Variants in RAB5C observed in about 807,000 individuals in gnomAD.
The protein encoded by RAB5C is RAB5C, member RAS oncogene family, also known as ras-related protein Rab-5C.
In RAB5C, 4 loss-of-function variants were observed where a neutral mutation model predicts 25.2. The observed-to-expected ratio is 0.16, with a 90% CI of 0.08 to 0.36. The LOEUF (loss-of-function observed/expected upper bound fraction) is 0.36, where lower values mean the gene tolerates loss of function less well. Among genes scored for constraint, RAB5C ranks in the 10% least tolerant of loss-of-function variants. The probability of loss-of-function intolerance (pLI) is 1.00; values close to 1 mark genes in which losing one functional copy is unlikely to be tolerated. For missense variants in RAB5C, 199 were observed against 283.8 expected (o/e 0.70, Z 2.15); for synonymous variants, 100 against 106.4 (o/e 0.94, Z 0.37).
rs1262682318 is a variant in RAB5C, at chr17:42,125,316, A to C, written c.*467T>G. On this transcript the variant is annotated 3_prime_UTR_variant, in exon 6 of 6. Coordinates refer to ENST00000346213, the MANE Select transcript of RAB5C (RefSeq NM_004583.4). ...AAGGAAGAGCTGCCTCTCCCTTCCT[A>C]AGCCCCTTCCCAAGGTCTGCCCCAC... The C allele has an allele frequency of 6.5e-6, 1 of 153,594 alleles. No individual in the cohort carries two copies. The highest frequency in any genetic ancestry group is 1.5e-5 in the Non-Finnish European group (1 of 68,780). 9.5% of individuals were successfully genotyped at this position (153,594 alleles called of 1,614,324 possible).
At chr17:42,142,136 G>A (rs1032818808) in intron 1 of RAB5C, among the ~76,000 whole-genome samples, 15 of 149,762 alleles carry the variant, frequency 1.0e-4, no homozygotes, top group Admixed American at 2.0e-4. Flanking sequence ...ATGGGGTGAA[G>A]GCCCCAACCA....
In RAB5C at chr17:42,125,520, A is replaced by AT; in HGVS notation, c.*262_*263insA. 2.5e-6 allele frequency: 1 copy of AT among 405,518 alleles called. No homozygotes were observed. Among genetic ancestry groups the AT allele is most frequent in the East Asian group, 4.8e-5 (1 of 20,640 alleles). 25.1% of individuals were successfully genotyped at this position (405,518 alleles called of 1,614,324 possible). A position where few individuals can be genotyped will look rare whatever the true frequency, so the allele number is the denominator to read the frequency against. ...AAGGGAAAATGGGAGAGCAGTAGAA[A>AT]GGGGAGGAAGTGGGAAGAGCAGAAG... On this transcript the variant is annotated 3_prime_UTR_variant, in exon 6 of 6. Coordinates refer to ENST00000346213, the MANE Select transcript of RAB5C (RefSeq NM_004583.4).
At chr17:42,131,507 C>T in intron 1 of RAB5C, 2 of 1,248,958 alleles carry the variant, frequency 1.6e-6, no homozygotes, top group South Asian at 1.3e-5. Context: ...GACACCAAAA[C>T]AAAACACACA....
At chr17:42,132,129 G>A (rs1363366669) in intron 1 of RAB5C, among the ~76,000 whole-genome samples, 6 of 152,196 alleles carry the variant, frequency 3.9e-5, no homozygotes, top group Admixed American at 6.5e-5. Context: ...CCACATTCAT[G>A]CAAGAAGCTG....
chr17:42,149,257 G>A (rs1310121203), intron 1 of RAB5C, among the ~76,000 whole-genome samples: 1 of 152,158 alleles, frequency 6.6e-6, no homozygotes, highest in Non-Finnish European at 1.5e-5. Flanking sequence ...AAATCTGGGA[G>A]TTGAACCCAA....
chr17:42,144,509 C>T (rs115532892), intron 1 of RAB5C, among the ~76,000 whole-genome samples: 1,822 of 151,004 alleles, frequency 0.012, 46 homozygotes, highest in African/African-American at 0.042. Context: ...ACAAGTCTCT[C>T]ATATAGAAGA....
rs782514588 is a variant in RAB5C, at chr17:42,125,658, C to T, written c.*125G>A. 2 of 636,880 alleles carry T rather than the reference C, an allele frequency of 3.1e-6. No individual in the cohort carries two copies. The highest frequency in any genetic ancestry group is 2.8e-6 in the Non-Finnish European group (1 of 363,498). 39.5% of individuals were successfully genotyped at this position (636,880 alleles called of 1,614,324 possible). On this transcript the variant is annotated 3_prime_UTR_variant, in exon 6 of 6. Transcript: ENST00000346213. ...TATGATCAAAATTATATGGAGAAAT[C>T]ATGGTGGACCCCTCCCCCTGCCCCC...
chr17:42,130,201 C>G (rs1437624108), intron 2 of RAB5C, 136 bp downstream of exon 2: 1 of 1,250,028 alleles, frequency 8.0e-7, no homozygotes, highest in African/African-American at 1.5e-5. Context: ...ATTCCAGGGC[C>G]CAGGTGAGGA....
At chr17:42,131,361 C>T (rs893608758) in intron 1 of RAB5C, among the ~76,000 whole-genome samples, 1 of 151,986 alleles carries the variant, frequency 6.6e-6, no homozygotes, top group Non-Finnish European at 1.5e-5. Flanking sequence ...GAAACAAACA[C>T]ATAGTAAAAC....
chr17:42,125,608 G>T lies in RAB5C; in HGVS notation c.*175C>A. The T allele has an allele frequency of 1.7e-6, 1 of 585,684 alleles. No individual in the cohort carries two copies. 36.3% of individuals were successfully genotyped at this position (585,684 alleles called of 1,614,324 possible). On this transcript the variant is annotated 3_prime_UTR_variant, in exon 6 of 6. Coordinates refer to ENST00000346213, the MANE Select transcript of RAB5C (RefSeq NM_004583.4). ...TGAATTAGTATTTGTACAGAAAGGT[G>T]CAGGTGGAATGACTCACTCCGGCCT...
At position 42,125,515 on chromosome 17, in the gene RAB5C, T is replaced by C. The variant is rs565559765; in HGVS notation, c.*268A>G. On this transcript the variant is annotated 3_prime_UTR_variant, in exon 6 of 6. Transcript: ENST00000346213. ...CCAGCAAGGGAAAATGGGAGAGCAG[T>C]AGAAAGGGGAGGAAGTGGGAAGAGC... 4 of 388,696 alleles carry C rather than the reference T, an allele frequency of 1.0e-5. No homozygotes were observed. Among genetic ancestry groups the C allele is most frequent in the Admixed American group, 8.3e-5 (2 of 24,064 alleles). 24.1% of individuals were successfully genotyped at this position (388,696 alleles called of 1,614,324 possible).
chr17:42,140,927 C>G (rs1440746963), intron 1 of RAB5C, among the ~76,000 whole-genome samples: 1 of 152,104 alleles, frequency 6.6e-6, no homozygotes, highest in African/African-American at 2.4e-5. Flanking sequence ...TTCCTGGGCT[C>G]AAGCAATCCT....
chr17:42,135,852 T>G (rs948819814), intron 1 of RAB5C, among the ~76,000 whole-genome samples: 1 of 152,200 alleles, frequency 6.6e-6, no homozygotes, highest in Non-Finnish European at 1.5e-5. Flanking sequence ...TTCCTCTAGC[T>G]GAGAGTCCTG....
intron 1 of RAB5C, among the ~76,000 whole-genome samples, chr17:42,151,999 T>A (rs1275960831): frequency 6.6e-6 from 1 of 152,056 alleles, no homozygotes; most frequent in Non-Finnish European, 1.5e-5. Flanking sequence ...TTAGATCAGG[T>A]CACATCTGAC....
chr17:42,154,244 GAGAC>G (rs1204726065), intron 1 of RAB5C, among the ~76,000 whole-genome samples: 1 of 152,238 alleles, frequency 6.6e-6, no homozygotes, highest in East Asian at 1.9e-4. Context: ...CAGAAAGAGA[GAGAC>G]ACTCAAAGAA....
chr17:42,141,550 TC>T (rs900948683), intron 1 of RAB5C, among the ~76,000 whole-genome samples: 24 of 151,988 alleles, frequency 1.6e-4, no homozygotes, highest in African/African-American at 5.6e-4. Flanking sequence ...ACGGCTCGGG[TC>T]CCCTAACAGA....
intron 1 of RAB5C, among the ~76,000 whole-genome samples, chr17:42,151,296 A>C (rs2079669591): frequency 6.6e-6 from 1 of 152,014 alleles, no homozygotes; most frequent in South Asian, 2.1e-4. Flanking sequence ...AATTAGCCGG[A>C]CGTGGTGGTG....
chr17:42,126,282 C>A (rs1445752354), intron 5 of RAB5C, among the ~76,000 whole-genome samples: 3 of 152,030 alleles, frequency 2.0e-5, no homozygotes, highest in African/African-American at 7.2e-5. Flanking sequence ...GGTGAACAAC[C>A]AACATCTACA....
At chr17:42,130,085 T>A (rs752497960) in intron 2 of RAB5C, 53 of 500,768 alleles carry the variant, frequency 1.1e-4, no homozygotes, top group Non-Finnish European at 1.6e-4. Flanking sequence ...GCCACACAGA[T>A]CAAGAAGGGG....
Sources: gnomAD v4.1 joint callset for allele counts (sites outside exome capture counted in the v4.1 genomes callset) on GRCh38, gnomAD v4.1.1 for gene constraint, MANE v1.5 for transcripts, NCBI Gene and HGNC (gene_info 2026-07-23, HGNC 2026-07-21) for gene names.